The following PPM1L variants were observed in gnomAD, a reference collection of about 807,000 sequenced individuals.
PPM1L encodes protein phosphatase 1L.
In PPM1L, 13 loss-of-function variants were observed where a neutral mutation model predicts 31.4. The observed-to-expected ratio is 0.41, with a 90% CI of 0.27 to 0.66. The LOEUF (loss-of-function observed/expected upper bound fraction) is 0.66, where lower values mean the gene tolerates loss of function less well. Among genes scored for constraint, PPM1L ranks in the 30% least tolerant of loss-of-function variants. The pLI is 0.29. For synonymous variants in PPM1L, 184 were observed against 175.4 expected (o/e 1.05, Z -0.39); for missense variants, 326 against 453.7 (o/e 0.72, Z 2.56).
intron 1 of PPM1L, among the ~76,000 whole-genome samples, chr3:160,779,646 C>T (rs965925002): frequency 6.6e-6 from 1 of 152,080 alleles, no homozygotes; most frequent in South Asian, 2.1e-4. Flanking sequence ...CCTCCGCCTC[C>T]CTAGTAGCTG....
chr3:160,803,930 T>G (rs1438593207), intron 1 of PPM1L, among the ~76,000 whole-genome samples: 1 of 152,184 alleles, frequency 6.6e-6, no homozygotes, highest in Admixed American at 6.5e-5. Flanking sequence ...TATTTATTCA[T>G]TTTTTGAGAC....
intron 1 of PPM1L, among the ~76,000 whole-genome samples, chr3:160,780,634 C>T (rs891615571): frequency 6.6e-6 from 1 of 152,134 alleles, no homozygotes; most frequent in African/African-American, 2.4e-5. Flanking sequence ...AAAGAAATAG[C>T]ATGGAGTTTG....
At chr3:161,033,980 T>G (rs1436243425) in intron 2 of PPM1L, among the ~76,000 whole-genome samples, 2 of 152,160 alleles carry the variant, frequency 1.3e-5, no homozygotes, top group African/African-American at 4.8e-5. Flanking sequence ...TGCAAGGAAC[T>G]TAAACAAATT....
chr3:161,038,319 T>C (rs916761547), intron 2 of PPM1L, among the ~76,000 whole-genome samples: 18 of 151,968 alleles, frequency 1.2e-4, no homozygotes, highest in Admixed American at 1.0e-3. Flanking sequence ...TTATTTTTCT[T>C]GTATTTTTTA....
intron 1 of PPM1L, among the ~76,000 whole-genome samples, chr3:160,890,583 T>C (rs377401630): frequency 2.0e-5 from 3 of 152,226 alleles, no homozygotes; most frequent in East Asian, 1.9e-4. Context: ...ATGCTATTCC[T>C]ATCAAACTAC....
intron 1 of PPM1L, among the ~76,000 whole-genome samples, chr3:160,877,846 C>G (rs2108035048): frequency 6.6e-6 from 1 of 152,274 alleles, no homozygotes; most frequent in South Asian, 2.1e-4. Context: ...GGCCAGTGCT[C>G]TGTTGTCTGC....
At position 161,075,581 on chromosome 3, in the gene PPM1L, T is replaced by TTTTTTAC. The variant is rs1183145544; in HGVS notation, c.*6424_*6425insTTTTTAC. ...AAGAAAAATGGTTTGGAACACTTTT[T>TTTTTTAC]AATAAAAAATTGTAAAATCAGTTTC... On this transcript the variant is annotated 3_prime_UTR_variant, in exon 4 of 4. Transcript: ENST00000498165. 6.6e-6 allele frequency: 1 copy of TTTTTTAC among 152,216 alleles called. No individual in the cohort carries two copies. Among genetic ancestry groups the TTTTTTAC allele is most frequent in the African/African-American group, 2.4e-5 (1 of 41,456 alleles). 9.4% of individuals were successfully genotyped at this position (152,216 alleles called of 1,614,324 possible).
rs557412798 is a variant in PPM1L at position 160,929,091 on chromosome 3, AAG to A, written c.400-32642_400-32641del. On this transcript the variant is annotated intron_variant, in intron 1 of 3. Coordinates refer to ENST00000498165, the MANE Select transcript of PPM1L (RefSeq NM_139245.4). Reference sequence around the variant, plus strand: ...CAGGTTTCTATGATTTGCTGACTGAAAGAGTTTCAACTCATCTAGTAACCAGT... The same window carrying A: ...CAGGTTTCTATGATTTGCTGACTGAAAGTTTCAACTCATCTAGTAACCAGT... Among the ~76,000 whole-genome samples the A allele has an allele frequency of 6.4e-4, 98 of 152,198 alleles. 2 individuals are homozygous for A. The South Asian group carries it at 0.02, about 32-fold the overall frequency.
intron 1 of PPM1L, among the ~76,000 whole-genome samples, chr3:160,815,750 G>T (rs1427784896): frequency 6.6e-6 from 1 of 152,144 alleles, no homozygotes; most frequent in Non-Finnish European, 1.5e-5. Flanking sequence ...TAATCAAAGA[G>T]AAGGGGAAGG....
intron 1 of PPM1L, among the ~76,000 whole-genome samples, chr3:160,893,413 T>C (rs565365830): frequency 6.6e-6 from 1 of 152,338 alleles, no homozygotes; most frequent in Admixed American, 6.5e-5. Context: ...TCAGCATTTT[T>C]GTTTAACAAT....
intron 1 of PPM1L, among the ~76,000 whole-genome samples, chr3:160,819,163 A>G (rs1713081766): frequency 6.6e-6 from 1 of 152,054 alleles, no homozygotes; most frequent in Admixed American, 6.6e-5. Context: ...TAATGCATCT[A>G]ACTTCAGACA....
intron 1 of PPM1L, among the ~76,000 whole-genome samples, chr3:160,898,956 C>G (rs1383891105): frequency 6.6e-6 from 1 of 152,130 alleles, no homozygotes; most frequent in African/African-American, 2.4e-5. Flanking sequence ...AGTTTGCCTC[C>G]CAAATCCATG....
At chr3:160,981,250 AG>A (rs1486783229) in intron 2 of PPM1L, among the ~76,000 whole-genome samples, 4 of 152,248 alleles carry the variant, frequency 2.6e-5, no homozygotes, top group Non-Finnish European at 5.9e-5. Context: ...TCTGAGGATC[AG>A]GAATCTAGGT....
At chr3:160,903,192 T>TGTGTGTGG (rs773026226) in intron 1 of PPM1L, among the ~76,000 whole-genome samples, 2 of 119,556 alleles carry the variant, frequency 1.7e-5, no homozygotes, top group Non-Finnish European at 1.8e-5. Context: ...TGTGTGTGTG[T>TGTGTGTGG]GGTATGTGTG....
chr3:160,906,404 C>G (rs991667415), intron 1 of PPM1L, among the ~76,000 whole-genome samples: 1 of 152,100 alleles, frequency 6.6e-6, no homozygotes, highest in African/African-American at 2.4e-5. Context: ...GAGATGGAGA[C>G]CATCCTGGCC....
intron 2 of PPM1L, among the ~76,000 whole-genome samples, chr3:161,032,852 C>T (rs1399349757): frequency 6.7e-6 from 1 of 148,744 alleles, no homozygotes; most frequent in Non-Finnish European, 1.5e-5. Context: ...ATCACCACGC[C>T]TAGCTAATTT....
At chr3:160,815,237 C>T (rs555780830) in intron 1 of PPM1L, among the ~76,000 whole-genome samples, 1 of 152,274 alleles carries the variant, frequency 6.6e-6, no homozygotes, top group African/African-American at 2.4e-5. Context: ...CTTCTTATTT[C>T]TGCACAGTTA....
Position 161,069,242 on chromosome 3 carries a change from T to A in PPM1L, c.*85T>A. ...AATTTAGTGAAAAGTGTGGGAGTTG[T>A]AATTAGGATCATCCACCCCAGACAT... On this transcript the variant is annotated 3_prime_UTR_variant, in exon 4 of 4. Coordinates refer to ENST00000498165, the MANE Select transcript of PPM1L (RefSeq NM_139245.4). 9.5e-7 allele frequency: 1 copy of A among 1,049,898 alleles called. No individual in the cohort carries two copies. The highest frequency in any genetic ancestry group is 1.4e-6 in the Non-Finnish European group (1 of 739,066). 65.0% of individuals were successfully genotyped at this position (1,049,898 alleles called of 1,614,324 possible). A position where few individuals can be genotyped will look rare whatever the true frequency, so the allele number is the denominator to read the frequency against.
chr3:160,859,201 A>G (rs181100500), intron 1 of PPM1L, among the ~76,000 whole-genome samples: 1 of 152,316 alleles, frequency 6.6e-6, no homozygotes, highest in East Asian at 1.9e-4. Context: ...CTATCTATGC[A>G]TGAATCTAAC....
Sources: allele counts gnomAD v4.1 joint callset (sites outside exome capture counted in the v4.1 genomes callset), GRCh38; gene constraint gnomAD v4.1.1; transcripts MANE v1.5; gene names NCBI Gene and HGNC (gene_info 2026-07-23, HGNC 2026-07-21).